The following ADAMTS17 variants were observed in gnomAD, a reference collection of about 807,000 sequenced individuals.
ADAMTS17 encodes A disintegrin and metalloproteinase with thrombospondin motifs 17.
Under a neutral mutation model 141.5 loss-of-function variants are expected in ADAMTS17, and 113 were observed. The ratio of observed to expected loss-of-function variants is 0.80; its 90% confidence interval spans 0.69 to 0.93. ADAMTS17 has a LOEUF of 0.93. ADAMTS17 is among the 40% of genes least tolerant of loss of function. The pLI is 0.00. For missense variants in ADAMTS17, 1,659 were observed against 1,517.9 expected, an observed-to-expected ratio of 1.09 and a Z score of -1.54; for synonymous variants, 768 against 630.6, an observed-to-expected ratio of 1.22 and a Z score of -3.27.
At chr15:100,185,481 T>A (rs916306044) in intron 8 of ADAMTS17, among the ~76,000 whole-genome samples, 6 of 152,146 alleles carry the variant, frequency 3.9e-5, no homozygotes, top group African/African-American at 1.4e-4. Flanking sequence ...AGATCAGAGA[T>A]CAATTCAAAC....
chr15:100,186,056 G>A (rs758792371), intron 8 of ADAMTS17, among the ~76,000 whole-genome samples: 2 of 152,152 alleles, frequency 1.3e-5, no homozygotes, highest in Non-Finnish European at 2.9e-5. Flanking sequence ...GGCAGTGGCC[G>A]CCTAGAGTTG....
chr15:100,135,559 A>T (rs1225530429), intron 10 of ADAMTS17, among the ~76,000 whole-genome samples: 1 of 152,218 alleles, frequency 6.6e-6, no homozygotes, highest in Non-Finnish European at 1.5e-5. Context: ...CTGGGATTAC[A>T]GGCATGAGCC....
intron 13 of ADAMTS17, among the ~76,000 whole-genome samples, chr15:100,115,269 G>A (rs1002041582): frequency 1.3e-5 from 2 of 152,202 alleles, no homozygotes; most frequent in African/African-American, 4.8e-5. Context: ...GGCGGAGGGA[G>A]GCAAAGGCCG....
chr15:100,243,243 G>A (rs1258687738), intron 7 of ADAMTS17, among the ~76,000 whole-genome samples: 3 of 152,192 alleles, frequency 2.0e-5, no homozygotes, highest in African/African-American at 4.8e-5. Flanking sequence ...ATCAACACCT[G>A]GGATGTTTCC....
chr15:100,301,158 G>A (rs747455852), intron 3 of ADAMTS17, among the ~76,000 whole-genome samples: 1 of 152,086 alleles, frequency 6.6e-6, no homozygotes, highest in Non-Finnish European at 1.5e-5. Context: ...TGTGTTTAAT[G>A]CTTAAATCTT....
chr15:100,121,003 G>A (rs2037423872), intron 12 of ADAMTS17, among the ~76,000 whole-genome samples: 1 of 152,058 alleles, frequency 6.6e-6, no homozygotes, highest in South Asian at 2.1e-4. Context: ...AACATAATGA[G>A]AATATCAATA....
intron 2 of ADAMTS17, among the ~76,000 whole-genome samples, chr15:100,334,222 C>T (rs2046139612): frequency 6.6e-6 from 1 of 152,184 alleles, no homozygotes; most frequent in Admixed American, 6.5e-5. Context: ...GTTTTTATCA[C>T]CTAACGTTAG....
intron 7 of ADAMTS17, among the ~76,000 whole-genome samples, chr15:100,246,626 A>C (rs1209629482): frequency 6.6e-6 from 1 of 152,196 alleles, no homozygotes; most frequent in Admixed American, 6.5e-5. Context: ...CAAAAGTGAG[A>C]TGGGTCCTAG....
chr15:100,328,892 T>G (rs1294994278), intron 3 of ADAMTS17, among the ~76,000 whole-genome samples: 1 of 152,170 alleles, frequency 6.6e-6, no homozygotes, highest in African/African-American at 2.4e-5. Flanking sequence ...AAGACACATC[T>G]GTCCTTTGTT....
Position 100,152,728 on chromosome 15 carries a change from G to A in ADAMTS17, c.1357C>T (p.Pro453Ser), listed in dbSNP as rs1392594107. The A allele has an allele frequency of 1.2e-6, 2 of 1,614,226 alleles. No homozygotes were observed. The highest frequency in any genetic ancestry group is 1.7e-6 in the Non-Finnish European group (2 of 1,180,050). Residue 453 changes from proline to serine, a missense_variant, in exon 10 of 22, where the codon CCC becomes TCC. Transcript: ENST00000268070. ...AGGCGTACTGTGTGCTGGCTTCTGGGGTCCGTGACTAGCAAGCAGGTGCTG... is the reference window on the plus strand; with the variant it reads ...AGGCGTACTGTGTGCTGGCTTCTGGAGTCCGTGACTAGCAAGCAGGTGCTG... ...KVSTCLLVTD[P>S]RSQHTVRLPH...
In ADAMTS17 at chr15:100,140,509, C is replaced by CA. The variant is rs1567241180; in HGVS notation, c.1474-7195_1474-7194insT. Among the ~76,000 whole-genome samples, 19 of 102,330 alleles carry CA rather than the reference C, an allele frequency of 1.9e-4. No homozygotes were observed. The East Asian group carries it at 2.3e-3, about 12-fold the overall frequency. The allele number at this position is 102,330 out of a possible 152,430, so 67.1% of individuals were successfully genotyped here. On this transcript the variant is annotated intron_variant, in intron 10 of 21. Coordinates refer to ENST00000268070, the MANE Select transcript of ADAMTS17 (RefSeq NM_139057.4). ...CATACATATATATATATATATATAT[C>CA]CAGTAAAGACGTGTGGAATGTATGA...
At chr15:100,207,068 C>T (rs2041599793) in intron 7 of ADAMTS17, among the ~76,000 whole-genome samples, 1 of 152,200 alleles carries the variant, frequency 6.6e-6, no homozygotes, top group Non-Finnish European at 1.5e-5. Context: ...AAGCCCTAAT[C>T]TCCAATGTCA....
chr15:100,149,974 T>C (rs1233169425), intron 10 of ADAMTS17, among the ~76,000 whole-genome samples: 3 of 152,222 alleles, frequency 2.0e-5, no homozygotes, highest in Non-Finnish European at 4.4e-5. Flanking sequence ...CTGAGGCTGG[T>C]GGCCATGAAG....
intron 8 of ADAMTS17, among the ~76,000 whole-genome samples, chr15:100,193,530 A>G (rs1567329668): frequency 6.6e-6 from 1 of 152,178 alleles, no homozygotes; most frequent in Non-Finnish European, 1.5e-5. Flanking sequence ...AGCAACAACG[A>G]GACACCTCCA....
rs983425964 is a variant in ADAMTS17 at position 99,997,888 on chromosome 15, G to A, written c.2592-299C>T. ...GTAGGGAATTACGTATCTGCTTGTCGTCATAGGACCTGCTTCTTTCGACAG... is the reference window on the plus strand; with the variant it reads ...GTAGGGAATTACGTATCTGCTTGTCATCATAGGACCTGCTTCTTTCGACAG... On this transcript the variant is annotated intron_variant, in intron 18 of 21. Coordinates refer to ENST00000268070, the MANE Select transcript of ADAMTS17 (RefSeq NM_139057.4). This position sits in a 1 kb window ranked among gnomAD's most constrained non-coding sequence, Gnocchi z 4.7. 1.1e-4 allele frequency among the ~76,000 whole-genome samples: 16 copies of A among 146,700 alleles called. No homozygotes were observed. Among genetic ancestry groups the A allele is most frequent in the African/African-American group, 1.7e-4 (7 of 41,128 alleles).
chr15:99,998,521 T>C (rs550044257), intron 18 of ADAMTS17, among the ~76,000 whole-genome samples: 8 of 152,244 alleles, frequency 5.3e-5, no homozygotes, highest in African/African-American at 1.7e-4. Flanking sequence ...GGAGAATCGC[T>C]TGAACCCAGG....
chr15:100,277,517 C>T (rs193134190), intron 4 of ADAMTS17, among the ~76,000 whole-genome samples: 10 of 152,182 alleles, frequency 6.6e-5, no homozygotes, highest in Admixed American at 3.3e-4. Context: ...TGCACTTGTG[C>T]CCTGGATAAT....
intron 4 of ADAMTS17, among the ~76,000 whole-genome samples, chr15:100,268,705 A>G (rs1567460025): frequency 6.6e-6 from 1 of 152,194 alleles, no homozygotes; most frequent in Non-Finnish European, 1.5e-5. Context: ...TAGTTTGCAA[A>G]TATTTTCTCC....
intron 8 of ADAMTS17, among the ~76,000 whole-genome samples, chr15:100,160,511 G>T (rs2039641625): frequency 6.6e-6 from 1 of 152,180 alleles, no homozygotes; most frequent in Non-Finnish European, 1.5e-5. Context: ...CAAATGAAAG[G>T]GGCTCCTTCT....
Sources: allele counts gnomAD v4.1 joint callset (sites outside exome capture counted in the v4.1 genomes callset), GRCh38; gene constraint gnomAD v4.1.1; non-coding constraint Gnocchi (gnomAD v3.1); transcripts MANE v1.5; gene names NCBI Gene and HGNC (gene_info 2026-07-23, HGNC 2026-07-21).